NRXN3: variants seen among roughly 807,000 people sequenced by gnomAD.
NRXN3 encodes neurexin 3, also known as neurexin III.
A neutral mutation model predicts 137.6 loss-of-function variants in NRXN3; 32 were observed. The observed-to-expected ratio is 0.23, with a 90% confidence interval of 0.18 to 0.31. The LOEUF is 0.31. Among genes scored for constraint, NRXN3 ranks in the 10% least tolerant of loss-of-function variants. The probability of loss-of-function intolerance (pLI) is 1.00; values close to 1 mark genes in which losing one functional copy is unlikely to be tolerated. For synonymous variants in NRXN3, 798 were observed against 784.5 expected, an observed-to-expected ratio of 1.02 and a Z score of -0.29; for missense variants, 1,574 against 2,062.5, an observed-to-expected ratio of 0.76 and a Z score of 4.59.
chr14:79,216,978 T>A (rs1025695055), intron 15 of NRXN3, among the ~76,000 whole-genome samples: 2 of 151,560 alleles, frequency 1.3e-5, no homozygotes, highest in Admixed American at 6.6e-5. Context: ...CTACTAAAAG[T>A]ACAAAAAAAT....
intron 16 of NRXN3, among the ~76,000 whole-genome samples, chr14:79,478,419 T>C (rs2096578939): frequency 1.3e-5 from 2 of 151,982 alleles, no homozygotes; most frequent in Non-Finnish European, 2.9e-5. Flanking sequence ...AGAGATGTCT[T>C]CTTCATCTTT....
At chr14:78,213,764 T>G (rs758874673) in intron 1 of NRXN3, among the ~76,000 whole-genome samples, 11 of 151,882 alleles carry the variant, frequency 7.2e-5, no homozygotes, top group Admixed American at 7.2e-4. Context: ...GCTACCCTCA[T>G]AGGGGAGGGC....
At chr14:79,332,599 A>G (rs908434416) in intron 15 of NRXN3, among the ~76,000 whole-genome samples, 5 of 152,138 alleles carry the variant, frequency 3.3e-5, no homozygotes, top group African/African-American at 9.7e-5. Context: ...AATGCATGCT[A>G]TGTTCTGGGA....
At chr14:78,648,755 T>A (rs2097710854) in intron 5 of NRXN3, among the ~76,000 whole-genome samples, 1 of 152,214 alleles carries the variant, frequency 6.6e-6, no homozygotes, top group Non-Finnish European at 1.5e-5. Context: ...CATAGTCAGA[T>A]GTGAAAAAAG....
intron 15 of NRXN3, among the ~76,000 whole-genome samples, chr14:79,059,115 TTCTCACTTGTTCC>T (rs567270315): frequency 5.8e-4 from 88 of 152,286 alleles, no homozygotes; most frequent in South Asian, 4.6e-3. Context: ...TAGATGACAT[TTCTCACTTGTTCC>T]TCTCACTTGT....
chr14:78,855,190 A>G (rs2099053746), intron 10 of NRXN3, among the ~76,000 whole-genome samples: 2 of 151,964 alleles, frequency 1.3e-5, no homozygotes, highest in Admixed American at 6.5e-5. Flanking sequence ...CAAAAAAGGT[A>G]TATATGACTA....
intron 15 of NRXN3, among the ~76,000 whole-genome samples, chr14:79,086,688 G>A (rs1361896902): frequency 6.6e-6 from 1 of 152,076 alleles, no homozygotes; most frequent in Non-Finnish European, 1.5e-5. Flanking sequence ...GACCTGTGGG[G>A]ATAGTTTCTA....
chr14:78,457,919 G>T (rs190481745), intron 4 of NRXN3, among the ~76,000 whole-genome samples: 2 of 152,256 alleles, frequency 1.3e-5, no homozygotes, highest in Admixed American at 1.3e-4. Flanking sequence ...AGGGCCAGAT[G>T]GTAGTTGCAC....
At chr14:79,457,616 G>T (rs1367044032) in intron 15 of NRXN3, among the ~76,000 whole-genome samples, 1 of 152,118 alleles carries the variant, frequency 6.6e-6, no homozygotes, top group Admixed American at 6.6e-5. Context: ...ATATTAGCCA[G>T]CTTTTCCAGA....
intron 3 of NRXN3, among the ~76,000 whole-genome samples, chr14:78,289,738 A>G (rs112306229): frequency 0.19 from 28,889 of 151,770 alleles, 3,465 homozygotes; most frequent in Middle Eastern, 0.27. Flanking sequence ...ACATGGTTAA[A>G]CCCCGTCTCT....
intron 15 of NRXN3, among the ~76,000 whole-genome samples, chr14:79,014,761 G>A (rs886620329): frequency 2.6e-5 from 4 of 152,140 alleles, no homozygotes; most frequent in Non-Finnish European, 5.9e-5. Context: ...TCTTGTGAAG[G>A]TTCTTTCTCA....
intron 4 of NRXN3, among the ~76,000 whole-genome samples, chr14:78,361,533 T>C (rs1228208398): frequency 6.6e-6 from 1 of 152,218 alleles, no homozygotes; most frequent in East Asian, 1.9e-4. Context: ...TCTAGATCTC[T>C]TGTGCTATAT....
intron 20 of NRXN3, among the ~76,000 whole-genome samples, chr14:79,858,316 C>T (rs919769186): frequency 3.9e-5 from 6 of 151,938 alleles, no homozygotes; most frequent in African/African-American, 1.5e-4. Flanking sequence ...ACCGAAAAAA[C>T]AAAAAGGCAA....
chr14:79,367,474 A>G (rs2093940085), intron 15 of NRXN3, among the ~76,000 whole-genome samples: 1 of 152,230 alleles, frequency 6.6e-6, no homozygotes, highest in African/African-American at 2.4e-5. Flanking sequence ...AGGAAGAGAC[A>G]TGACAGAAAG....
At chr14:79,698,272 G>A (rs1053694362) in intron 19 of NRXN3, among the ~76,000 whole-genome samples, 1 of 151,992 alleles carries the variant, frequency 6.6e-6, no homozygotes, top group Non-Finnish European at 1.5e-5. Flanking sequence ...GGGCAAGGGA[G>A]GGAAGGAAAA....
intron 17 of NRXN3, among the ~76,000 whole-genome samples, chr14:79,674,537 C>T (rs930887584): frequency 1.3e-5 from 2 of 152,022 alleles, no homozygotes; most frequent in African/African-American, 2.4e-5. Flanking sequence ...TGAGATTCCA[C>T]ACAGATATGT....
chr14:79,170,549 A>G (rs2061679146), intron 15 of NRXN3, among the ~76,000 whole-genome samples: 1 of 152,162 alleles, frequency 6.6e-6, no homozygotes, highest in African/African-American at 2.4e-5. Context: ...TAGTCTTGGA[A>G]GGAAAAATTA....
intron 4 of NRXN3, among the ~76,000 whole-genome samples, chr14:78,616,497 A>G (rs1403967866): frequency 6.6e-6 from 1 of 152,172 alleles, no homozygotes; most frequent in South Asian, 2.1e-4. Flanking sequence ...TCTTGTCTCC[A>G]CGGAGTTTTT....
At chr14:78,551,941 C>T (rs572343199) in intron 4 of NRXN3, among the ~76,000 whole-genome samples, 2 of 152,084 alleles carry the variant, frequency 1.3e-5, no homozygotes, top group Non-Finnish European at 2.9e-5. Context: ...CCTTAGAGAT[C>T]AAGTAGCCCA....
Sources: allele counts gnomAD v4.1 joint callset (sites outside exome capture counted in the v4.1 genomes callset), GRCh38; gene constraint gnomAD v4.1.1; transcripts MANE v1.5; gene names NCBI Gene and HGNC (gene_info 2026-07-23, HGNC 2026-07-21).